GAD2: variants seen among roughly 807,000 people sequenced by gnomAD.
The protein encoded by GAD2 is 65 kDa glutamic acid decarboxylase.
A neutral mutation model predicts 80.1 loss-of-function variants in GAD2; 22 were observed. The observed-to-expected ratio is 0.27, with a 90% CI of 0.20 to 0.39. The LOEUF (loss-of-function observed/expected upper bound fraction) is 0.39, where lower values mean the gene tolerates loss of function less well. Ranked by LOEUF, GAD2 falls within the 10% of genes least tolerant of loss-of-function variation. GAD2 has a pLI of 1.00. For missense variants in GAD2, 624 were observed against 738.4 expected, an observed-to-expected ratio of 0.85 and a Z score of 1.80; for synonymous variants, 274 against 256.9, an observed-to-expected ratio of 1.07 and a Z score of -0.64.
chr10:26,232,013 G>A (rs556013537), intron 7 of GAD2, among the ~76,000 whole-genome samples: 6 of 152,218 alleles, frequency 3.9e-5, no homozygotes, highest in Admixed American at 3.3e-4. Flanking sequence ...ACATATTCAC[G>A]GTGTTGAAGA....
chr10:26,252,502 C>T (rs901964897), intron 8 of GAD2, among the ~76,000 whole-genome samples: 7 of 152,000 alleles, frequency 4.6e-5, no homozygotes, highest in Non-Finnish European at 8.8e-5. Context: ...GCCACCACGC[C>T]CAGCTAATTT....
intron 8 of GAD2, among the ~76,000 whole-genome samples, chr10:26,263,215 C>T (rs1845029000): frequency 6.6e-6 from 1 of 152,104 alleles, no homozygotes; most frequent in Non-Finnish European, 1.5e-5. Context: ...CTAAGTGATT[C>T]AATTGTGCAC....
At position 26,239,699 on chromosome 10, in the gene GAD2, A is replaced by G. The variant is rs769357382; in HGVS notation, c.841-6222A>G. 3.9e-5 allele frequency among the ~76,000 whole-genome samples: 6 copies of G among 152,236 alleles called. No homozygotes were observed. The South Asian group carries it at 1.2e-3, about 32-fold the overall frequency. The stretch of plus-strand genomic sequence containing the variant: ...TAGTCAGCTACTTTACAGGATGGTC[A>G]TAAAAATATCTCTGTGTGGAGGTGA... On this transcript the variant is annotated intron_variant, in intron 7 of 15. Transcript: ENST00000376261.
intron 14 of GAD2, 140 bp downstream of exon 14, chr10:26,292,712 G>C (rs1040572517): frequency 2.1e-5 from 18 of 860,414 alleles, no homozygotes; most frequent in Non-Finnish European, 3.0e-5. Context: ...GCTATTCCAA[G>C]CTGGAATAAA....
At chr10:26,270,807 T>C (rs1845128256) in intron 10 of GAD2, 51 bp downstream of exon 10, 3 of 1,136,624 alleles carry the variant, frequency 2.6e-6, no homozygotes, top group African/African-American at 1.5e-5. Flanking sequence ...ACGTTTTTCA[T>C]GTGGGACACA....
chr10:26,218,196 A>G, intron 3 of GAD2: 1 of 505,442 alleles, frequency 2.0e-6, no homozygotes, highest in Admixed American at 4.0e-5. Flanking sequence ...TCGGAGCTCC[A>G]AGAGGGCTCT....
chr10:26,284,987 C>T (rs1010222052), intron 12 of GAD2, among the ~76,000 whole-genome samples: 27 of 152,090 alleles, frequency 1.8e-4, no homozygotes, highest in Admixed American at 1.4e-3. Flanking sequence ...ATTGATGGCA[C>T]GAAGGTGTGA....
At chr10:26,258,075 T>C (rs1026076740) in intron 8 of GAD2, among the ~76,000 whole-genome samples, 2 of 152,198 alleles carry the variant, frequency 1.3e-5, no homozygotes, top group Admixed American at 1.3e-4. Context: ...AGGACTATAA[T>C]AACAGCTGAC....
intron 8 of GAD2, among the ~76,000 whole-genome samples, chr10:26,267,631 G>A (rs59147413): frequency 0.077 from 11,731 of 152,144 alleles, 635 homozygotes; most frequent in East Asian, 0.23. Flanking sequence ...ACTAATCACT[G>A]GTAACTTGTC....
chr10:26,237,667 T>TACA (rs1844691733), intron 7 of GAD2, among the ~76,000 whole-genome samples: 1 of 152,104 alleles, frequency 6.6e-6, no homozygotes, highest in African/African-American at 2.4e-5. Flanking sequence ...AGATTGCTAC[T>TACA]TGTATAATTT....
chr10:26,236,987 C>T (rs1844679786), intron 7 of GAD2, among the ~76,000 whole-genome samples: 1 of 152,228 alleles, frequency 6.6e-6, no homozygotes, highest in South Asian at 2.1e-4. Flanking sequence ...GGGATATTCC[C>T]ATCGCACTCA....
intron 14 of GAD2, 87 bp from the exon 15 acceptor site, chr10:26,292,815 C>G: frequency 8.9e-7 from 1 of 1,127,782 alleles, no homozygotes; most frequent in South Asian, 1.3e-5. Context: ...TGTTCTGAAC[C>G]TGCTGAATAC....
At chr10:26,240,798 G>A (rs1012424995) in intron 7 of GAD2, among the ~76,000 whole-genome samples, 10 of 151,538 alleles carry the variant, frequency 6.6e-5, no homozygotes, top group Admixed American at 2.6e-4. Flanking sequence ...TTGGGAGGCC[G>A]AGGCGGGGTG....
chr10:26,272,927 A>G (rs946271160), intron 10 of GAD2, among the ~76,000 whole-genome samples: 4 of 152,256 alleles, frequency 2.6e-5, no homozygotes, highest in Non-Finnish European at 5.9e-5. Context: ...AAGTGATTAT[A>G]TCATAAAAGA....
At chr10:26,216,762 C>A (rs1311190563), upstream of GAD2, 5 of 1,551,006 alleles carry the variant, frequency 3.2e-6, no homozygotes, top group Non-Finnish European at 4.4e-6. This position sits in a 1 kb window ranked among gnomAD's most constrained non-coding sequence, Gnocchi z 4.7. Context: ...CGAGGCAGCT[C>A]GCCCGCAGCT....
chr10:26,245,949 C>T lies in GAD2; in HGVS notation c.869C>T (p.Ala290Val). Reference protein sequence around the residue: ...HSHFSLKKGAAALGIGTDSVI... With the variant: ...HSHFSLKKGAVALGIGTDSVI... ...CATTTTTCTCTCAAGAAGGGAGCTG[C>T]AGCCTTAGGGATTGGAACAGACAGC... Residue 290 changes from alanine (A) to valine (V), a missense_variant, in exon 8 of 16, where the codon GCA becomes GTA. Coordinates refer to ENST00000376261, the MANE Select transcript of GAD2 (RefSeq NM_001134366.2). The T allele has an allele frequency of 6.2e-7, 1 of 1,613,946 alleles. No individual in the cohort carries two copies. The highest frequency in any genetic ancestry group is 2.2e-5 in the East Asian group (1 of 44,888).
intron 8 of GAD2, among the ~76,000 whole-genome samples, chr10:26,263,467 G>T (rs1458733768): frequency 6.6e-6 from 1 of 152,112 alleles, no homozygotes; most frequent in African/African-American, 2.4e-5. Flanking sequence ...ACCCATGTTG[G>T]TATCAGCTAT....
In GAD2 at chr10:26,301,107, A is replaced by T; in HGVS notation, c.*146A>T. 3.0e-6 allele frequency: 2 copies of T among 671,956 alleles called. No homozygotes were observed. Among genetic ancestry groups the T allele is most frequent in the South Asian group, 4.1e-5 (2 of 48,716 alleles). 41.6% of individuals were successfully genotyped at this position (671,956 alleles called of 1,614,324 possible). A position where few individuals can be genotyped will look rare whatever the true frequency, so the allele number is the denominator to read the frequency against. ...AGAGTTTAAAAATTAAACAAAAAAG[A>T]CATTGCTCCTTTTAAAAGTCCTTTC... is the stretch of plus-strand genomic sequence containing the variant. On this transcript the variant is annotated 3_prime_UTR_variant, in exon 16 of 16. Coordinates refer to ENST00000376261, the MANE Select transcript of GAD2 (RefSeq NM_001134366.2).
At position 26,277,704 on chromosome 10, in the gene GAD2, T is replaced by C. The variant is rs16926771; in HGVS notation, c.1158-3305T>C. Among the ~76,000 whole-genome samples, 638 of 151,950 alleles carry C rather than the reference T, an allele frequency of 4.2e-3. 4 individuals are homozygous for C. The highest frequency in any genetic ancestry group is 0.015 in the African/African-American group (612 of 41,394). On this transcript the variant is annotated intron_variant, in intron 11 of 15. Transcript: ENST00000376261. ...GGGGAGAGAGAACTGTAAGGGGCGG[T>C]ATAGAGACGGGGAAGAAAAGAGTGA... is the stretch of plus-strand genomic sequence containing the variant.
Sources: allele counts gnomAD v4.1 joint callset (sites outside exome capture counted in the v4.1 genomes callset), GRCh38; gene constraint gnomAD v4.1.1; non-coding constraint Gnocchi (gnomAD v3.1); transcripts MANE v1.5; gene names NCBI Gene and HGNC (gene_info 2026-07-23, HGNC 2026-07-21).